The following DAB1 variants were observed in gnomAD, a reference collection of about 807,000 sequenced individuals.
DAB1 encodes DAB adaptor protein 1, also known as disabled homolog 1.
DAB1 carries 15 observed loss-of-function variants against 64.6 expected under a neutral mutation model. The ratio of observed to expected loss-of-function variants is 0.23; its 90% CI spans 0.16 to 0.36. The LOEUF (loss-of-function observed/expected upper bound fraction) is 0.36. Ranked by LOEUF, DAB1 falls within the 10% of genes least tolerant of loss-of-function variation. The pLI, the probability that DAB1 is intolerant of heterozygous loss-of-function variation, is 1.00. For missense variants in DAB1, 596 were observed against 706.7 expected, an observed-to-expected ratio of 0.84 and a Z score of 1.78; for synonymous variants, 235 against 251.9, an observed-to-expected ratio of 0.93 and a Z score of 0.64.
At chr1:58,348,570 T>C (rs974584503) in intron 3 of DAB1, among the ~76,000 whole-genome samples, 1 of 152,216 alleles carries the variant, frequency 6.6e-6, no homozygotes, top group Non-Finnish European at 1.5e-5. Flanking sequence ...CTAGCTTGGG[T>C]CTGGCCCTAA....
chr1:57,917,195 G>T (rs1443989702), intron 5 of DAB1, among the ~76,000 whole-genome samples: 1 of 152,092 alleles, frequency 6.6e-6, no homozygotes, highest in Non-Finnish European at 1.5e-5. Context: ...CTCCCCATGA[G>T]TAAGCATGTC....
At chr1:57,246,891 T>C (rs942250996) in intron 2 of DAB1, among the ~76,000 whole-genome samples, 6 of 152,252 alleles carry the variant, frequency 3.9e-5, no homozygotes, top group African/African-American at 1.4e-4. Context: ...ATGGGGCCTG[T>C]AGCCCTTTGG....
At chr1:58,332,370 C>T (rs1662989714) in intron 4 of DAB1, among the ~76,000 whole-genome samples, 1 of 152,126 alleles carries the variant, frequency 6.6e-6, no homozygotes. Context: ...CTTCAGGCAG[C>T]GTTTCGCCAA....
At chr1:58,107,037 A>G (rs990423032) in intron 5 of DAB1, among the ~76,000 whole-genome samples, 11 of 151,928 alleles carry the variant, frequency 7.2e-5, no homozygotes, top group African/African-American at 2.4e-4. Context: ...TGAAGATTAA[A>G]GGGTGTTAAT....
At chr1:58,074,594 A>ATATATATATATATATATATATT (rs1649526356) in intron 5 of DAB1, among the ~76,000 whole-genome samples, 11 of 112,368 alleles carry the variant, frequency 9.8e-5, no homozygotes, top group Admixed American at 4.0e-4. Context: ...ATATATATAT[A>ATATATATATATATATATATATT]TTTGAGAAAC....
chr1:57,044,729 G>A (rs111943797), intron 9 of DAB1, among the ~76,000 whole-genome samples: 34 of 152,278 alleles, frequency 2.2e-4, no homozygotes, highest in African/African-American at 7.9e-4. Flanking sequence ...GTCACGGGTG[G>A]TTGGGATCAT....
intron 4 of DAB1, among the ~76,000 whole-genome samples, chr1:58,295,178 G>A (rs1376497214): frequency 4.6e-5 from 7 of 152,064 alleles, no homozygotes; most frequent in Non-Finnish European, 1.0e-4. Context: ...TGAGCCACTT[G>A]AGGGCAATGA....
chr1:57,152,238 C>T (rs1659756708), intron 2 of DAB1, among the ~76,000 whole-genome samples: 1 of 152,142 alleles, frequency 6.6e-6, no homozygotes, highest in Admixed American at 6.5e-5. Flanking sequence ...GGAGGGTGCA[C>T]CACATCCTTA....
At chr1:57,089,563 G>A (rs566125973) in intron 4 of DAB1, among the ~76,000 whole-genome samples, 1 of 152,100 alleles carries the variant, frequency 6.6e-6, no homozygotes, top group East Asian at 1.9e-4. Flanking sequence ...GCATGAGAGA[G>A]TGAGGTGGGG....
intron 2 of DAB1, among the ~76,000 whole-genome samples, chr1:58,522,738 T>C (rs1286366467): frequency 6.6e-6 from 1 of 152,256 alleles, no homozygotes; most frequent in Non-Finnish European, 1.5e-5. Flanking sequence ...GTATGTTATA[T>C]GTATTATATA....
At chr1:58,499,314 CAAAAAAAAAAAAA>C (rs58217798) in intron 3 of DAB1, among the ~76,000 whole-genome samples, 1 of 69,742 alleles carries the variant, frequency 1.4e-5, no homozygotes, top group East Asian at 6.3e-4. Context: ...CACATCTCTA[CAAAAAAAAAAAAA>C]AAAAAAAAAA....
intron 6 of DAB1, among the ~76,000 whole-genome samples, chr1:57,678,954 G>A (rs553878130): frequency 1.3e-4 from 20 of 150,770 alleles, no homozygotes; most frequent in African/African-American, 3.4e-4. Context: ...TGTATTTTTC[G>A]TAGAGATGGG....
At chr1:58,180,019 G>A (rs1281991615) in intron 4 of DAB1, among the ~76,000 whole-genome samples, 1 of 151,928 alleles carries the variant, frequency 6.6e-6, no homozygotes, top group Non-Finnish European at 1.5e-5. Flanking sequence ...TACATTAGGT[G>A]CTATAAGTAA....
intron 5 of DAB1, among the ~76,000 whole-genome samples, chr1:58,052,477 G>T (rs529109342): frequency 8.5e-5 from 13 of 152,238 alleles, no homozygotes; most frequent in African/African-American, 2.6e-4. Context: ...GTCAGGTAGC[G>T]TGATGCCTCT....
intron 7 of DAB1, among the ~76,000 whole-genome samples, chr1:57,546,943 A>C (rs1166157019): frequency 6.6e-6 from 1 of 152,166 alleles, no homozygotes. Flanking sequence ...TTTCTCCTTT[A>C]TGCTTACCTG....
At chr1:57,031,845 C>T (rs1466283092) in intron 9 of DAB1, among the ~76,000 whole-genome samples, 1 of 152,194 alleles carries the variant, frequency 6.6e-6, no homozygotes, top group African/African-American at 2.4e-5. Context: ...TTTCAAATGT[C>T]TCCTGGTAAA....
At chr1:57,295,061 C>A (rs1673075797) in intron 1 of DAB1, among the ~76,000 whole-genome samples, 2 of 152,036 alleles carry the variant, frequency 1.3e-5, no homozygotes, top group South Asian at 4.2e-4. Context: ...CAGTGGTTGC[C>A]AGAGGCCAGG....
intron 14 of DAB1, among the ~76,000 whole-genome samples, chr1:57,008,696 AT>A (rs1347616444): frequency 2.0e-5 from 3 of 151,966 alleles, no homozygotes; most frequent in South Asian, 2.1e-4. Context: ...GAACCTAGAT[AT>A]TTTTTTTAAG....
intron 7 of DAB1, among the ~76,000 whole-genome samples, chr1:57,434,648 A>G (rs1347910428): frequency 6.6e-6 from 1 of 152,206 alleles, no homozygotes; most frequent in Non-Finnish European, 1.5e-5. Context: ...TGTGAACATC[A>G]CAGAGTATAC....
Sources: gnomAD v4.1 joint callset for allele counts (sites outside exome capture counted in the v4.1 genomes callset) on GRCh38, gnomAD v4.1.1 for gene constraint, MANE v1.5 for transcripts, NCBI Gene and HGNC (gene_info 2026-07-23, HGNC 2026-07-21) for gene names.